LTBP1: variants seen among roughly 807,000 people sequenced by gnomAD.
The protein encoded by LTBP1 is latent transforming growth factor beta binding protein 1, also known as latent-transforming growth factor beta-binding protein 1.
LTBP1 carries 129 observed loss-of-function variants against 207.6 expected under a neutral mutation model. That is an observed-to-expected ratio of 0.62 (90% confidence interval 0.54 to 0.72). LTBP1 has a LOEUF of 0.72. Ranked by LOEUF, LTBP1 falls within the 30% of genes least tolerant of loss-of-function variation. LTBP1 has a pLI of 0.00. For synonymous variants in LTBP1, 963 were observed against 833.7 expected (o/e 1.16, Z -2.67); for missense variants, 2,281 against 2,217.2 (o/e 1.03, Z -0.58).
At chr2:33,374,350 T>A (rs977972465) in intron 31 of LTBP1, among the ~76,000 whole-genome samples, 4 of 152,158 alleles carry the variant, frequency 2.6e-5, no homozygotes, top group Non-Finnish European at 4.4e-5. Flanking sequence ...ACCTCCTTTA[T>A]CCAAAGTTGA....
Position 33,364,222 on chromosome 2 carries a change from A to T in LTBP1, c.4406A>T (p.Asp1469Val). ...ACTTTTTTTTGCTCTTAAGATATGG[A>T]TGAATGTCAAGACCCCAGTAGTTGT... ...DPVKLQCFDM[D>V]ECQDPSSCID... The change falls in exon 30 of 34, where the codon GAT (aspartate) becomes GTT (valine). Residue 1469 changes from aspartate to valine, a missense_variant. By Grantham distance (152) the Asp-to-Val change is radical. Coordinates refer to ENST00000404816, the MANE Select transcript of LTBP1 (RefSeq NM_206943.4). The T allele has an allele frequency of 6.2e-7, 1 of 1,613,046 alleles. No individual in the cohort carries two copies. The highest frequency in any genetic ancestry group is 8.5e-7 in the Non-Finnish European group (1 of 1,179,710).
At chr2:33,005,386 A>G (rs1440240629) in intron 2 of LTBP1, among the ~76,000 whole-genome samples, 2 of 151,882 alleles carry the variant, frequency 1.3e-5, no homozygotes, top group Non-Finnish European at 1.5e-5. Context: ...TTGGCTGGGG[A>G]CCTCAGTTTT....
chr2:32,974,108 T>C (rs1681340603), intron 2 of LTBP1, among the ~76,000 whole-genome samples: 1 of 152,222 alleles, frequency 6.6e-6, no homozygotes, highest in Non-Finnish European at 1.5e-5. Context: ...TTCTTTTGGG[T>C]GTATACCCAG....
At chr2:32,993,769 C>G (rs1394615136) in intron 2 of LTBP1, among the ~76,000 whole-genome samples, 2 of 152,168 alleles carry the variant, frequency 1.3e-5, no homozygotes, top group African/African-American at 4.8e-5. Context: ...TGGCCTGACC[C>G]CCTTGTGTAA....
chr2:33,262,866 A>C, intron 14 of LTBP1, 45 bp downstream of exon 14: 1 of 1,404,248 alleles, frequency 7.1e-7, no homozygotes, highest in South Asian at 1.3e-5. Flanking sequence ...ATTCTGAATA[A>C]AAATGTAAGA....
intron 2 of LTBP1, among the ~76,000 whole-genome samples, chr2:32,992,369 T>C (rs910498324): frequency 1.3e-5 from 2 of 152,112 alleles, no homozygotes; most frequent in Non-Finnish European, 2.9e-5. Context: ...TTTTTGCAGG[T>C]TGAGACGGGA....
intron 7 of LTBP1, among the ~76,000 whole-genome samples, chr2:33,201,553 C>G (rs1010248656): frequency 6.6e-6 from 1 of 151,504 alleles, no homozygotes; most frequent in African/African-American, 2.4e-5. Context: ...GGGTGCAGCA[C>G]ACCAGCATGG....
At chr2:33,335,102 A>G (rs1182089797) in intron 24 of LTBP1, among the ~76,000 whole-genome samples, 1 of 151,504 alleles carries the variant, frequency 6.6e-6, no homozygotes, top group Admixed American at 6.6e-5. Context: ...TGGGCAACAG[A>G]GTGAGACCCT....
intron 26 of LTBP1, among the ~76,000 whole-genome samples, chr2:33,359,819 G>A (rs1331395030): frequency 1.3e-5 from 2 of 152,170 alleles, no homozygotes; most frequent in African/African-American, 4.8e-5. Flanking sequence ...TTTCGTATCT[G>A]ATTGAATTCA....
chr2:33,168,417 GAAAAAAGAA>G (rs2085123040), intron 5 of LTBP1, among the ~76,000 whole-genome samples: 3 of 138,346 alleles, frequency 2.2e-5, no homozygotes, highest in Non-Finnish European at 3.2e-5. Context: ...AAAAAAAAAA[GAAAAAAGAA>G]AAAAAAGAAA....
intron 2 of LTBP1, among the ~76,000 whole-genome samples, chr2:32,972,248 A>G (rs1402821535): frequency 7.5e-6 from 1 of 133,396 alleles, no homozygotes; most frequent in Admixed American, 7.6e-5. Context: ...CATAGAACCA[A>G]CTTCTGGTTT....
chr2:33,206,847 A>G (rs1196008452), intron 7 of LTBP1, among the ~76,000 whole-genome samples: 1 of 151,806 alleles, frequency 6.6e-6, no homozygotes, highest in Admixed American at 6.6e-5. Flanking sequence ...GCACATCTTT[A>G]TTCCCTCTCT....
intron 15 of LTBP1, among the ~76,000 whole-genome samples, chr2:33,269,965 CTTTT>C (rs35142617): frequency 4.6e-5 from 6 of 129,796 alleles, no homozygotes; most frequent in East Asian, 2.6e-4. Flanking sequence ...TGATATTCAA[CTTTT>C]TTTTTTTTTT....
chr2:33,229,659 G>A (rs915638281), intron 9 of LTBP1, among the ~76,000 whole-genome samples: 2 of 152,138 alleles, frequency 1.3e-5, no homozygotes, highest in Non-Finnish European at 2.9e-5. Context: ...TTAGAATGGA[G>A]ACTTATTCAA....
chr2:33,348,353 T>A (rs1035279085), intron 26 of LTBP1, among the ~76,000 whole-genome samples: 1 of 152,206 alleles, frequency 6.6e-6, no homozygotes, highest in Non-Finnish European at 1.5e-5. Context: ...CCACACATAT[T>A]TCCTCAGTTA....
At chr2:33,344,982 A>G (rs2094682686) in intron 25 of LTBP1, among the ~76,000 whole-genome samples, 1 of 152,146 alleles carries the variant, frequency 6.6e-6, no homozygotes, top group Non-Finnish European at 1.5e-5. Flanking sequence ...TTGGCACACA[A>G]AACACCACCC....
chr2:33,310,499 T>G (rs561531814), intron 23 of LTBP1, among the ~76,000 whole-genome samples: 1 of 152,144 alleles, frequency 6.6e-6, no homozygotes, highest in Non-Finnish European at 1.5e-5. Flanking sequence ...TTACAGCAAC[T>G]TCAGAGGTAG....
chr2:33,243,649 T>C lies in LTBP1; in HGVS notation c.1877-13T>C, dbSNP rs769351160. The C allele has an allele frequency of 2.5e-6, 4 of 1,613,190 alleles. No individual in the cohort carries two copies. In the South Asian group the frequency reaches 4.4e-5, roughly 18 times the overall value. On this transcript the variant is annotated splice_polypyrimidine_tract_variant and intron_variant, in intron 9 of 33. Transcript: ENST00000404816. Reference sequence around the variant, plus strand: ...CTTGACTGCTCCTTCTAAAGAATTGTGTTTTCCTGCAGATATTAATGAATG... The same window carrying C: ...CTTGACTGCTCCTTCTAAAGAATTGCGTTTTCCTGCAGATATTAATGAATG...
In LTBP1 at chr2:33,273,642, A is replaced by G. The variant is rs770446561; in HGVS notation, c.2618-14A>G. ...TCTGTGGGTTTTTTCACATTATTTT[A>G]TTTACTTTTAAAGAAATCAATGAAT... is the stretch of plus-strand genomic sequence containing the variant. On this transcript the variant is annotated splice_polypyrimidine_tract_variant and intron_variant, in intron 15 of 33. Transcript: ENST00000404816. The G allele has an allele frequency of 1.3e-6, 2 of 1,587,842 alleles. No individual in the cohort carries two copies. The highest frequency in any genetic ancestry group is 1.8e-5 in the Admixed American group (1 of 55,878).
Sources: allele counts gnomAD v4.1 joint callset (sites outside exome capture counted in the v4.1 genomes callset), GRCh38; gene constraint gnomAD v4.1.1; transcripts MANE v1.5; gene names NCBI Gene and HGNC (gene_info 2026-07-23, HGNC 2026-07-21).